The following EIF2AK4 variants were observed in gnomAD, a reference collection of about 807,000 sequenced individuals.
EIF2AK4 encodes eIF-2-alpha kinase GCN2.
Under a neutral mutation model 211.1 loss-of-function variants are expected in EIF2AK4, and 139 were observed. The ratio of observed to expected loss-of-function variants is 0.66; its 90% CI spans 0.57 to 0.76. The LOEUF (loss-of-function observed/expected upper bound fraction) is 0.76, where lower values mean the gene tolerates loss of function less well. Among genes scored for constraint, EIF2AK4 ranks in the 30% least tolerant of loss-of-function variants. The pLI, the probability that EIF2AK4 is intolerant of heterozygous loss-of-function variation, is 0.00. For synonymous variants in EIF2AK4, 710 were observed against 751.3 expected (o/e 0.94, Z 0.90); for missense variants, 1,664 against 2,043.8 (o/e 0.81, Z 3.58).
intron 3 of EIF2AK4, among the ~76,000 whole-genome samples, chr15:39,944,595 C>T (rs1197040277): frequency 6.6e-6 from 1 of 151,976 alleles, no homozygotes; most frequent in Admixed American, 6.5e-5. Flanking sequence ...CCATGCCCGG[C>T]TAATTTTTTT....
intron 28 of EIF2AK4, 87 bp from the exon 29 acceptor site, chr15:40,017,021 A>G: frequency 1.3e-6 from 2 of 1,520,592 alleles, no homozygotes; most frequent in Non-Finnish European, 1.8e-6. Context: ...TTCTGATGCT[A>G]TTGATGGGAA....
intron 28 of EIF2AK4, 73 bp downstream of exon 28, chr15:40,016,745 A>G: frequency 1.3e-6 from 2 of 1,517,130 alleles, no homozygotes; most frequent in East Asian, 4.6e-5. Context: ...AATGTGTTTC[A>G]TTTCACTAAT....
At chr15:39,955,160 T>C (rs1440957592) in intron 5 of EIF2AK4, among the ~76,000 whole-genome samples, 1 of 152,232 alleles carries the variant, frequency 6.6e-6, no homozygotes, top group Non-Finnish European at 1.5e-5. Context: ...TCTGTTCATC[T>C]CCTGTTACTC....
intron 4 of EIF2AK4, chr15:39,951,786 G>C (rs550139697): frequency 5.8e-6 from 1 of 171,436 alleles, no homozygotes; most frequent in African/African-American, 2.4e-5. Flanking sequence ...TTTGTGGGCA[G>C]TCTCCTTTGT....
At chr15:39,939,708 C>G in intron 2 of EIF2AK4, 91 bp downstream of exon 2, 4 of 975,430 alleles carry the variant, frequency 4.1e-6, no homozygotes, top group Non-Finnish European at 5.9e-6. Context: ...TTTTCTCCTT[C>G]CTGCTCCCAT....
intron 15 of EIF2AK4, among the ~76,000 whole-genome samples, chr15:39,989,468 A>G (rs2034912506): frequency 6.6e-6 from 1 of 152,216 alleles, no homozygotes; most frequent in Non-Finnish European, 1.5e-5. Flanking sequence ...TTTAAGCTGT[A>G]TTACTGTGAT....
rs377237751 is a variant in EIF2AK4 at position 39,976,797 on chromosome 15, G to GGACGACGAC, written c.2205_2213dup (p.Asp735_Asp737dup). The GGACGACGAC allele has an allele frequency of 4.4e-6, 7 of 1,574,310 alleles. No homozygotes were observed. Among genetic ancestry groups the GGACGACGAC allele is most frequent in the African/African-American group, 1.4e-5 (1 of 72,202 alleles). On this transcript the variant is annotated inframe_insertion, in exon 12 of 39. Transcript: ENST00000263791. Reference sequence around the variant, plus strand: ...CCGGCCCGGGCTCCAGCGATGACGAGGACGACGACGAGGACGAGCACGGTG... The same window carrying GGACGACGAC: ...CCGGCCCGGGCTCCAGCGATGACGAGGACGACGACGACGACGACGAGGACGAGCACGGTG...
chr15:39,968,447 C>T (rs2034575115), intron 9 of EIF2AK4, among the ~76,000 whole-genome samples: 2 of 152,226 alleles, frequency 1.3e-5, no homozygotes, highest in Admixed American at 6.5e-5. Flanking sequence ...GATGTTTCCT[C>T]AGGCCTAAGA....
In EIF2AK4 at chr15:39,964,298, A is replaced by G. The variant is rs185694564; in HGVS notation, c.860-1388A>G. On this transcript the variant is annotated intron_variant, in intron 7 of 38. Coordinates refer to ENST00000263791, the MANE Select transcript of EIF2AK4 (RefSeq NM_001013703.4). ...AAAAGATAATTAGCAATGTCTCTTT[A>G]AAAATTTGTTTTCATTATGAAGATA... 1.7e-3 allele frequency among the ~76,000 whole-genome samples: 266 copies of G among 152,372 alleles called. 3 individuals carry two copies. Among genetic ancestry groups the G allele is most frequent in the African/African-American group, 6.0e-3 (248 of 41,586 alleles).
At position 40,034,943 on chromosome 15, in the gene EIF2AK4, C is replaced by CT. The variant is rs200989415; in HGVS notation, c.4893-83dup. Reference sequence around the variant, plus strand: ...TCTTGTTTTTGCTTAAATAAAGCTCCTACAGGTGTTATAAAAATTTATTAG... The same window carrying CT: ...TCTTGTTTTTGCTTAAATAAAGCTCCTTACAGGTGTTATAAAAATTTATTAG... On this transcript the variant is annotated intron_variant, in intron 38 of 38. Transcript: ENST00000263791. 9.8e-4 allele frequency: 1,062 copies of CT among 1,085,176 alleles called. 11 individuals are homozygous for CT. The East Asian group carries it at 0.022, about 22-fold the overall frequency. 67.2% of individuals were successfully genotyped at this position (1,085,176 alleles called of 1,614,324 possible).
At chr15:39,972,790 G>C in intron 9 of EIF2AK4, 118 bp from the exon 10 acceptor site, 1 of 732,296 alleles carries the variant, frequency 1.4e-6, no homozygotes, top group Admixed American at 2.7e-5. Context: ...TGGTCTTTGA[G>C]TAACATGAAT....
intron 32 of EIF2AK4, among the ~76,000 whole-genome samples, chr15:40,025,070 G>T (rs938591680): frequency 1.3e-5 from 2 of 152,184 alleles, no homozygotes; most frequent in Non-Finnish European, 2.9e-5. Context: ...CTACCCTCAA[G>T]AATTCGTGGT....
intron 7 of EIF2AK4, among the ~76,000 whole-genome samples, chr15:39,962,350 G>T (rs12915244): frequency 6.6e-6 from 1 of 152,112 alleles, no homozygotes; most frequent in Non-Finnish European, 1.5e-5. Flanking sequence ...AATTATCCAA[G>T]CTTATTGAAA....
At chr15:39,986,252 T>C (rs2140924970) in intron 14 of EIF2AK4, among the ~76,000 whole-genome samples, 1 of 152,368 alleles carries the variant, frequency 6.6e-6, no homozygotes, top group East Asian at 1.9e-4. Flanking sequence ...ATAAATAACA[T>C]GTGAAGTACT....
At chr15:40,009,968 G>A (rs1267923479) in intron 26 of EIF2AK4, among the ~76,000 whole-genome samples, 1 of 152,172 alleles carries the variant, frequency 6.6e-6, no homozygotes, top group Non-Finnish European at 1.5e-5. Flanking sequence ...AACCTCCGGG[G>A]TGTTTTTTAA....
chr15:40,007,208 C>A, intron 24 of EIF2AK4, 143 bp downstream of exon 24: 1 of 756,364 alleles, frequency 1.3e-6, no homozygotes, highest in Non-Finnish European at 2.1e-6. Flanking sequence ...GAATATGAAC[C>A]AGAAGCCCAG....
chr15:39,938,272 A>G (rs1476229148), intron 1 of EIF2AK4, among the ~76,000 whole-genome samples: 1 of 152,206 alleles, frequency 6.6e-6, no homozygotes, highest in Admixed American at 6.5e-5. Context: ...TGATGGGTGA[A>G]TGAGTGGATG....
Position 40,001,054 on chromosome 15 carries a change from A to G in EIF2AK4, c.2989A>G (p.Lys997Glu). 6.2e-7 allele frequency: 1 copy of G among 1,614,214 alleles called. No homozygotes were observed. Residue 997 changes from lysine (K) to glutamate (E), a missense_variant, in exon 21 of 39, where the codon AAG becomes GAG. Lys to Glu is a moderately conservative substitution (Grantham distance 56). Coordinates refer to ENST00000263791, the MANE Select transcript of EIF2AK4 (RefSeq NM_001013703.4). Reference protein sequence around the residue: ...AKRPTATELLKSELLPPPQME... With the variant: ...AKRPTATELLESELLPPPQME... ...ACGGCCCACAGCCACAGAACTGCTCAAGAGTGAGCTGCTGCCCCCACCCCA... is the reference window on the plus strand; with the variant it reads ...ACGGCCCACAGCCACAGAACTGCTCGAGAGTGAGCTGCTGCCCCCACCCCA...
intron 3 of EIF2AK4, among the ~76,000 whole-genome samples, chr15:39,947,097 G>A (rs578099689): frequency 5.9e-5 from 9 of 152,090 alleles, no homozygotes; most frequent in Non-Finnish European, 7.4e-5. Context: ...CTGAGTCATC[G>A]TCATATAATG....
Sources: allele counts gnomAD v4.1 joint callset (sites outside exome capture counted in the v4.1 genomes callset), GRCh38; gene constraint gnomAD v4.1.1; transcripts MANE v1.5; gene names NCBI Gene and HGNC (gene_info 2026-07-23, HGNC 2026-07-21).